Variants in DNAJA2 observed in about 807,000 individuals in gnomAD.
DNAJA2 encodes DnaJ heat shock protein family (Hsp40) member A2, also known as dnaJ homolog subfamily A member 2.
A neutral mutation model predicts 49.3 loss-of-function variants in DNAJA2; 6 were observed. That is an observed-to-expected ratio of 0.12 (90% confidence interval 0.07 to 0.24). The LOEUF is 0.24. Ranked by LOEUF, DNAJA2 falls within the 10% of genes least tolerant of loss-of-function variation. DNAJA2 has a pLI of 1.00. For missense variants in DNAJA2, 347 were observed against 516.8 expected (o/e 0.67, Z 3.19); for synonymous variants, 160 against 172.7 (o/e 0.93, Z 0.58).
Position 46,968,734 on chromosome 16 carries a change from T to C in DNAJA2, c.363-570A>G, listed in dbSNP as rs559254263. ...AATAAAAGTGGCCCTACCTATAGTA[T>C]GACAGAAAGGAGGGATAGAATAGTT... On this transcript the variant is annotated intron_variant, in intron 3 of 8. Coordinates refer to ENST00000317089, the MANE Select transcript of DNAJA2 (RefSeq NM_005880.4). Among the ~76,000 whole-genome samples the C allele has an allele frequency of 3.9e-5, 6 of 152,250 alleles. No homozygotes were observed. In the South Asian group the frequency reaches 1.0e-3, roughly 26 times the overall value.
At position 46,957,017 on chromosome 16, in the gene DNAJA2, T is replaced by C; in HGVS notation, c.*12A>G. 3 of 1,614,174 alleles carry C rather than the reference T, an allele frequency of 1.9e-6. No homozygotes were observed. The highest frequency in any genetic ancestry group is 1.1e-5 in the South Asian group (1 of 91,080). ...GGAAAGAAAATCCACCTGTGCAATT[T>C]GTTTGCAGAGTTTACTGATGGGCAC... is the stretch of plus-strand genomic sequence containing the variant. On this transcript the variant is annotated 3_prime_UTR_variant, in exon 9 of 9. Transcript: ENST00000317089.
At chr16:46,969,688 C>T (rs2143659880) in intron 3 of DNAJA2, among the ~76,000 whole-genome samples, 1 of 152,232 alleles carries the variant, frequency 6.6e-6, no homozygotes, top group South Asian at 2.1e-4. Context: ...CTCATAGCAG[C>T]AGTATCTATT....
chr16:46,959,010 T>G lies in DNAJA2; in HGVS notation c.1040A>C (p.Lys347Thr). 2 of 1,579,634 alleles carry G rather than the reference T, an allele frequency of 1.3e-6. No homozygotes were observed. The highest frequency in any genetic ancestry group is 1.7e-6 in the Non-Finnish European group (2 of 1,168,816). The change falls in exon 8 of 9, where the codon AAG (lysine) becomes ACG (threonine). Residue 347 changes from lysine (K) to threonine (T), a missense_variant. Coordinates refer to ENST00000317089, the MANE Select transcript of DNAJA2 (RefSeq NM_005880.4). Reference sequence around the variant, plus strand: ...AATTTAAAGAACACTTACAGAAAGCTTGTCTGGGTTGATCCAGTTGTTTTC... The same window carrying G: ...AATTTAAAGAACACTTACAGAAAGCGTGTCTGGGTTGATCCAGTTGTTTTC... The part of the protein sequence containing the change: ...FPENNWINPD[K>T]LSELEDLLPS...
At chr16:46,967,449 C>A in intron 5 of DNAJA2, 64 bp downstream of exon 5, 2 of 1,596,782 alleles carry the variant, frequency 1.3e-6, no homozygotes, top group South Asian at 1.1e-5. Flanking sequence ...AATTGTAAAC[C>A]TCTCCAATAT....
At chr16:46,967,444 T>C in intron 5 of DNAJA2, 69 bp downstream of exon 5, 1 of 1,591,516 alleles carries the variant, frequency 6.3e-7, no homozygotes, top group Non-Finnish European at 8.6e-7. Flanking sequence ...TAAAAAATTG[T>C]AAACCTCTCC....
chr16:46,970,376 T>C (rs562262017), intron 3 of DNAJA2, among the ~76,000 whole-genome samples: 1 of 152,324 alleles, frequency 6.6e-6, no homozygotes, highest in Non-Finnish European at 1.5e-5. Flanking sequence ...GACTCTAACA[T>C]GTACACAAAG....
intron 6 of DNAJA2, among the ~76,000 whole-genome samples, chr16:46,960,899 C>T (rs1163825775): frequency 6.6e-6 from 1 of 151,584 alleles, no homozygotes; most frequent in Non-Finnish European, 1.5e-5. Flanking sequence ...CTAGTTGAGG[C>T]AGGACGATCC....
In DNAJA2 at chr16:46,973,503, G is replaced by A; in HGVS notation, c.70C>T (p.Leu24=). Residue 24 remains leucine, a synonymous_variant, in exon 1 of 9, where the codon CTG becomes TTG. Transcript: ENST00000317089. Reference sequence around the variant, plus strand: ...GGCCCGCTCCCAGATACCTTCTTCAGCTCGTTCTCGCTGGCGCCGGGCGGG... The same window carrying A: ...GGCCCGCTCCCAGATACCTTCTTCAACTCGTTCTCGCTGGCGCCGGGCGGG... ...GVPPGASENE[L]KKAYRKLAKE... 6.2e-7 allele frequency: 1 copy of A among 1,602,800 alleles called. No homozygotes were observed. The highest frequency in any genetic ancestry group is 8.5e-7 in the Non-Finnish European group (1 of 1,177,486).
intron 3 of DNAJA2, 26 bp from the exon 4 acceptor site, chr16:46,968,190 T>G: frequency 6.5e-7 from 1 of 1,546,198 alleles, no homozygotes; most frequent in Admixed American, 2.1e-5. Context: ...TCGGCTTCAA[T>G]CAAATTTTGC....
At chr16:46,967,171 C>T (rs562499256) in intron 5 of DNAJA2, among the ~76,000 whole-genome samples, 1 of 152,288 alleles carries the variant, frequency 6.6e-6, no homozygotes, top group East Asian at 1.9e-4. Context: ...ACTGCTCCCT[C>T]GAACTCCTGG....
In DNAJA2 at chr16:46,964,640, C is replaced by A; in HGVS notation, c.745G>T (p.Val249Phe). 1.9e-6 allele frequency: 3 copies of A among 1,606,758 alleles called. No individual in the cohort carries two copies. The highest frequency in any genetic ancestry group is 2.5e-6 in the Non-Finnish European group (3 of 1,178,380). ...QAPGVEPGDI[V>F]LLLQEKEHEV... Reference sequence around the variant, plus strand: ...TGTTCTTTCTCCTGTAGCAAAAGAACAATGTCTCCGGGTTCCACTCCTGGG... The same window carrying A: ...TGTTCTTTCTCCTGTAGCAAAAGAAAAATGTCTCCGGGTTCCACTCCTGGG... Residue 249 changes from valine (V) to phenylalanine (F), a missense_variant, in exon 6 of 9, where the codon GTT becomes TTT. Val to Phe is a conservative substitution (Grantham distance 50). Transcript: ENST00000317089.
intron 6 of DNAJA2, among the ~76,000 whole-genome samples, chr16:46,960,335 G>C (rs1213357929): frequency 1.3e-5 from 2 of 152,170 alleles, no homozygotes; most frequent in South Asian, 2.1e-4. Context: ...GCAAGATCCA[G>C]CATCTGTAGT....
chr16:46,972,127 G>A (rs1962060771), intron 1 of DNAJA2, 172 bp from the exon 2 acceptor site: 1 of 593,190 alleles, frequency 1.7e-6, no homozygotes. Flanking sequence ...GTTTACTAAT[G>A]TAATATAACC....
chr16:46,964,614 A>C lies in DNAJA2; in HGVS notation c.771T>G (p.His257Gln). 1 of 1,588,538 alleles carries C rather than the reference A, an allele frequency of 6.3e-7. No individual in the cohort carries two copies. Among genetic ancestry groups the C allele is most frequent in the Non-Finnish European group, 8.5e-7 (1 of 1,173,182 alleles). ...AAACTAAAAAAAGGAAAATCACCTC[A>C]TGTTCTTTCTCCTGTAGCAAAAGAA... ...DIVLLLQEKE[H>Q]EVFQRDGNDL... Residue 257 changes from histidine to glutamine, a missense_variant, in exon 6 of 9, where the codon CAT becomes CAG. Coordinates refer to ENST00000317089, the MANE Select transcript of DNAJA2 (RefSeq NM_005880.4).
intron 6 of DNAJA2, among the ~76,000 whole-genome samples, chr16:46,961,635 C>T (rs1368930690): frequency 1.3e-5 from 2 of 150,096 alleles, no homozygotes; most frequent in Non-Finnish European, 3.0e-5. Flanking sequence ...CGTTCTTGTA[C>T]AGGAGAGTTC....
At position 46,957,054 on chromosome 16, in the gene DNAJA2, G is replaced by C. The variant is rs1475601525; in HGVS notation, c.1214C>G (p.Pro405Arg). The stretch of plus-strand genomic sequence containing the variant: ...TTACTGATGGGCACACTGCACTCCA[G>C]GTCCATGATGGCTGCTGCTTTCTTC... ...SDEESSSHHG[P>R]GVQCAHQ The change falls in exon 9 of 9, where the codon CCT (proline) becomes CGT (arginine). Residue 405 changes from proline to arginine, a missense_variant. By Grantham distance (103) the Pro-to-Arg change is moderately radical. Coordinates refer to ENST00000317089, the MANE Select transcript of DNAJA2 (RefSeq NM_005880.4). The C allele has an allele frequency of 6.2e-7, 1 of 1,614,146 alleles. No individual in the cohort carries two copies. Among genetic ancestry groups the C allele is most frequent in the Non-Finnish European group, 8.5e-7 (1 of 1,180,024 alleles).
chr16:46,973,520 C>T lies in DNAJA2; in HGVS notation c.53G>A (p.Gly18Asp). 1.2e-6 allele frequency: 2 copies of T among 1,603,166 alleles called. No homozygotes were observed. The highest frequency in any genetic ancestry group is 1.7e-6 in the Non-Finnish European group (2 of 1,177,762). ...KLYDILGVPP[G>D]ASENELKKAY... ...CTTCTTCAGCTCGTTCTCGCTGGCG[C>T]CGGGCGGGACGCCCAGGATGTCGTA... The change falls in exon 1 of 9, where the codon GGC (glycine) becomes GAC (aspartate). Residue 18 changes from glycine (G) to aspartate (D), a missense_variant. Physicochemically the swap from Gly to Asp is moderately conservative, Grantham distance 94 (BLOSUM62 -1). Transcript: ENST00000317089.
chr16:46,973,633 C>T lies in DNAJA2; in HGVS notation c.-61G>A, dbSNP rs1479838499. The T allele has an allele frequency of 1.9e-6, 3 of 1,538,516 alleles. No individual in the cohort carries two copies. Among genetic ancestry groups the T allele is most frequent in the South Asian group, 2.3e-5 (2 of 86,890 alleles). ...CGAAGCAGACAGAGCGGAGTCGGGC[C>T]CACAAGCGGCGTCGGCGGCGGCACA... is the stretch of plus-strand genomic sequence containing the variant. On this transcript the variant is annotated 5_prime_UTR_variant, in exon 1 of 9. Transcript: ENST00000317089.
intron 8 of DNAJA2, 35 bp downstream of exon 8, chr16:46,958,968 G>C: frequency 1.3e-6 from 2 of 1,556,028 alleles, no homozygotes; most frequent in Non-Finnish European, 1.7e-6. Context: ...TCCAAACTTG[G>C]AAGTCAACTG....
Sources: allele counts gnomAD v4.1 joint callset (sites outside exome capture counted in the v4.1 genomes callset), GRCh38; gene constraint gnomAD v4.1.1; transcripts MANE v1.5; gene names NCBI Gene and HGNC (gene_info 2026-07-23, HGNC 2026-07-21).